RNF32: variants seen among roughly 807,000 people sequenced by gnomAD.
RNF32 encodes ring finger protein 32.
RNF32 carries 36 observed loss-of-function variants against 41.0 expected under a neutral mutation model. The observed-to-expected ratio is 0.88, with a 90% CI of 0.67 to 1.16. The LOEUF is 1.16. Ranked by LOEUF, RNF32 falls within the 50% of genes most tolerant of loss-of-function variation. The pLI is 0.00. For synonymous variants in RNF32, 154 were observed against 160.9 expected (o/e 0.96, Z 0.32); for missense variants, 413 against 436.7 (o/e 0.95, Z 0.48).
chr7:156,658,839 G>A, intron 7 of RNF32: 1 of 1,451,800 alleles, frequency 6.9e-7, no homozygotes, highest in Non-Finnish European at 9.4e-7. Context: ...TGTGCTAATT[G>A]TTTAAATAAA....
At chr7:156,650,425 G>A (rs1585017466) in intron 3 of RNF32, among the ~76,000 whole-genome samples, 2 of 152,210 alleles carry the variant, frequency 1.3e-5, no homozygotes, top group African/African-American at 2.4e-5. Flanking sequence ...CCTCTGTGAG[G>A]CTGAGCCCAT....
Position 156,654,559 on chromosome 7 carries a change from G to A in RNF32, c.275-17G>A. On this transcript the variant is annotated splice_polypyrimidine_tract_variant and intron_variant, in intron 3 of 8. Transcript: ENST00000317955. ...TAAAAGACACTCTAACTCCTGTCCT[G>A]TGCTGTCTTACTTTAGCACAGAAGT... is the stretch of plus-strand genomic sequence containing the variant. 4 of 1,611,938 alleles carry A rather than the reference G, an allele frequency of 2.5e-6. No individual in the cohort carries two copies. The highest frequency in any genetic ancestry group is 3.4e-6 in the Non-Finnish European group (4 of 1,178,312).
At position 156,664,136 on chromosome 7, in the gene RNF32, G is replaced by A. The variant is rs117235134; in HGVS notation, c.684+5566G>A. Reference sequence around the variant, plus strand: ...CACGGCACATTGCGTGATTGCCACCGTGGCTTTTACAACGTTCTGAAGGCT... The same window carrying A: ...CACGGCACATTGCGTGATTGCCACCATGGCTTTTACAACGTTCTGAAGGCT... On this transcript the variant is annotated intron_variant, in intron 7 of 8. Transcript: ENST00000317955. Among the ~76,000 whole-genome samples, 649 of 152,300 alleles carry A rather than the reference G, an allele frequency of 4.3e-3. 13 individuals are homozygous for A. The highest frequency in any genetic ancestry group is 0.012 in the East Asian group (62 of 5,182).
chr7:156,645,538 G>C (rs1217681604), intron 3 of RNF32, among the ~76,000 whole-genome samples: 1 of 152,204 alleles, frequency 6.6e-6, no homozygotes, highest in East Asian at 1.9e-4. Context: ...AGGAGACCCA[G>C]GGGACATAGC....
intron 7 of RNF32, among the ~76,000 whole-genome samples, chr7:156,674,258 C>T (rs1227904289): frequency 1.3e-5 from 2 of 152,282 alleles, no homozygotes; most frequent in Non-Finnish European, 2.9e-5. Context: ...TTATCTGCCA[C>T]CCCCCGGGCC....
intron 7 of RNF32, among the ~76,000 whole-genome samples, chr7:156,667,727 A>G (rs891983650): frequency 2.0e-5 from 3 of 152,244 alleles, no homozygotes; most frequent in African/African-American, 7.2e-5. Flanking sequence ...AGTACTTTGA[A>G]TTAACTACAA....
At chr7:156,664,859 A>C (rs1358946806) in intron 7 of RNF32, among the ~76,000 whole-genome samples, 1 of 152,240 alleles carries the variant, frequency 6.6e-6, no homozygotes. Flanking sequence ...TTTTCCAATG[A>C]TAGAAACAGA....
chr7:156,663,718 G>A (rs2131559645), intron 7 of RNF32, among the ~76,000 whole-genome samples: 1 of 152,250 alleles, frequency 6.6e-6, no homozygotes. Context: ...GATTCTTGGG[G>A]AATAATAGAC....
At chr7:156,640,217 G>A (rs115804997), upstream of RNF32, 3,478 of 452,720 alleles carry the variant, frequency 7.7e-3, 103 homozygotes, top group African/African-American at 0.064. Context: ...GGGGGATCGG[G>A]GGATCCCCCA....
intron 7 of RNF32, among the ~76,000 whole-genome samples, chr7:156,664,858 G>T (rs1318260590): frequency 6.6e-6 from 1 of 152,050 alleles, no homozygotes. Context: ...TTTTTCCAAT[G>T]ATAGAAACAG....
At position 156,669,897 on chromosome 7, in the gene RNF32, G is replaced by A. The variant is rs867668568; in HGVS notation, c.685-5799G>A. 7.9e-5 allele frequency among the ~76,000 whole-genome samples: 12 copies of A among 152,142 alleles called. No homozygotes were observed. Among genetic ancestry groups the A allele is most frequent in the South Asian group, 2.1e-4 (1 of 4,826 alleles). ...TGTTCCAGGTGACAGGAGGGCGGGC[G>A]GTCATGGCCTAGTGCCATGAAAATG... On this transcript the variant is annotated intron_variant, in intron 7 of 8. Coordinates refer to ENST00000317955, the MANE Select transcript of RNF32 (RefSeq NM_030936.4). This position sits in a 1 kb window ranked among gnomAD's most constrained non-coding sequence, Gnocchi z 4.2.
intron 7 of RNF32, among the ~76,000 whole-genome samples, chr7:156,674,095 C>T (rs1272088241): frequency 6.6e-6 from 1 of 152,204 alleles, no homozygotes; most frequent in Non-Finnish European, 1.5e-5. Flanking sequence ...GCAGATGTAA[C>T]TGCTGAATCG....
In RNF32 at chr7:156,676,553, G is replaced by A. The variant is rs1471867336; in HGVS notation, c.987G>A (p.Ala329=). 24 of 1,614,048 alleles carry A rather than the reference G, an allele frequency of 1.5e-5. No individual in the cohort carries two copies. The highest frequency in any genetic ancestry group is 1.4e-5 in the Non-Finnish European group (17 of 1,180,034). Residue 329 remains alanine (A), a synonymous_variant, in exon 9 of 9, where the codon GCG becomes GCA. Transcript: ENST00000317955. ...LLSCSHVFHH[A]CLLALEEFSV... is the part of the protein sequence containing the mutation. ...CCTGCTCACATGTGTTCCACCATGCGTGTCTGCTGGCACTAGAGGAGTTCT... is the reference window on the plus strand; with the variant it reads ...CCTGCTCACATGTGTTCCACCATGCATGTCTGCTGGCACTAGAGGAGTTCT...
chr7:156,676,036 C>G (rs1803911194), intron 8 of RNF32, among the ~76,000 whole-genome samples, 173 bp downstream of exon 8: 1 of 151,698 alleles, frequency 6.6e-6, no homozygotes, highest in South Asian at 2.1e-4. Flanking sequence ...GTCGAGGACT[C>G]ACTTTGGGAA....
At chr7:156,645,061 T>A (rs927399195) in intron 3 of RNF32, among the ~76,000 whole-genome samples, 2 of 152,178 alleles carry the variant, frequency 1.3e-5, no homozygotes, top group African/African-American at 2.4e-5. Context: ...AAATCCCTTA[T>A]AGTAGAATGA....
At chr7:156,658,402 G>C (rs1800070371) in intron 6 of RNF32, 60 bp from the exon 7 acceptor site, 4 of 1,519,286 alleles carry the variant, frequency 2.6e-6, no homozygotes, top group South Asian at 1.1e-5. Flanking sequence ...AACAACTACT[G>C]AAGTATTGGT....
intron 3 of RNF32, among the ~76,000 whole-genome samples, chr7:156,647,152 T>TG (rs1323330549): frequency 6.6e-6 from 1 of 151,444 alleles, no homozygotes; most frequent in African/African-American, 2.4e-5. Flanking sequence ...ATGCCTGGCC[T>TG]GTTTTTTTTT....
intron 3 of RNF32, among the ~76,000 whole-genome samples, chr7:156,653,934 T>G (rs1412506575): frequency 6.6e-6 from 1 of 152,160 alleles, no homozygotes; most frequent in Non-Finnish European, 1.5e-5. Context: ...GGGAGAAACT[T>G]GGGCCAATAC....
At chr7:156,660,300 A>C in intron 7 of RNF32, 1 of 983,214 alleles carries the variant, frequency 1.0e-6, no homozygotes, top group Non-Finnish European at 1.2e-6. Flanking sequence ...TGTATGTTTA[A>C]ACAACACCAT....
Sources: allele counts gnomAD v4.1 joint callset (sites outside exome capture counted in the v4.1 genomes callset), GRCh38; gene constraint gnomAD v4.1.1; non-coding constraint Gnocchi (gnomAD v3.1); transcripts MANE v1.5; gene names NCBI Gene and HGNC (gene_info 2026-07-23, HGNC 2026-07-21).